PLCG2: variants seen among roughly 807,000 people sequenced by gnomAD.
The protein encoded by PLCG2 is phospholipase C gamma 2.
In PLCG2, 69 loss-of-function variants were observed where a neutral mutation model predicts 175.6. The observed-to-expected ratio is 0.39, with a 90% CI of 0.32 to 0.48. PLCG2 has a LOEUF of 0.48. Ranked by LOEUF, PLCG2 falls within the 20% of genes least tolerant of loss-of-function variation. The probability of loss-of-function intolerance (pLI) is 0.91; values close to 1 mark genes in which losing one functional copy is unlikely to be tolerated. For synonymous variants in PLCG2, 827 were observed against 624.0 expected (o/e 1.33, Z -4.85); for missense variants, 1,798 against 1,650.9 (o/e 1.09, Z -1.54).
At chr16:81,816,559 G>T (rs1904556884) in intron 2 of PLCG2, among the ~76,000 whole-genome samples, 1 of 147,630 alleles carries the variant, frequency 6.8e-6, no homozygotes, top group African/African-American at 2.5e-5. Context: ...CTCAACTACT[G>T]CCTTGACCTC....
At chr16:81,830,837 G>T (rs1210220477) in intron 2 of PLCG2, among the ~76,000 whole-genome samples, 1 of 151,940 alleles carries the variant, frequency 6.6e-6, no homozygotes, top group Non-Finnish European at 1.5e-5. Context: ...CGGGCTTCTG[G>T]ATGACTGAGG....
chr16:81,948,452 G>A (rs1028023481), intron 31 of PLCG2, among the ~76,000 whole-genome samples: 1 of 152,216 alleles, frequency 6.6e-6, no homozygotes, highest in African/African-American at 2.4e-5. Flanking sequence ...GGTGGACTGG[G>A]TTCTGTTTTG....
intron 2 of PLCG2, among the ~76,000 whole-genome samples, chr16:81,808,838 G>C (rs1000750341): frequency 3.3e-5 from 5 of 152,116 alleles, no homozygotes; most frequent in African/African-American, 1.2e-4. Flanking sequence ...TGTGGGCCTG[G>C]CCTCTGTTTC....
intron 1 of PLCG2, among the ~76,000 whole-genome samples, chr16:81,742,063 T>G (rs1909606275): frequency 6.8e-6 from 1 of 147,482 alleles, no homozygotes; most frequent in Admixed American, 6.9e-5. Context: ...CCTCCAGTAT[T>G]CAAAATTCTA....
In PLCG2 at chr16:81,904,292, T is replaced by A. The variant is rs144356140; in HGVS notation, c.1363-1111T>A. ...ACGAGACAGATTACTGAGACTCTGA[T>A]GATGACTCAGCCAAGGTCACATGGC... On this transcript the variant is annotated intron_variant, in intron 14 of 32. Transcript: ENST00000564138. Among the ~76,000 whole-genome samples, 10 of 152,324 alleles carry A rather than the reference T, an allele frequency of 6.6e-5. No homozygotes were observed. In the East Asian group the frequency reaches 1.9e-3, roughly 29 times the overall value.
intron 17 of PLCG2, among the ~76,000 whole-genome samples, chr16:81,909,215 A>G (rs569247409): frequency 1.1e-4 from 17 of 152,302 alleles, no homozygotes; most frequent in African/African-American, 3.4e-4. Context: ...CAGTCACTCA[A>G]ATGATTTGCA....
intron 7 of PLCG2, among the ~76,000 whole-genome samples, chr16:81,873,818 C>G (rs1038502133): frequency 1.3e-5 from 2 of 152,152 alleles, no homozygotes; most frequent in South Asian, 2.1e-4. Context: ...AAAGCTGTTT[C>G]ACCTGCTACC....
chr16:81,941,024 G>A (rs1213403733), intron 30 of PLCG2, among the ~76,000 whole-genome samples: 2 of 152,174 alleles, frequency 1.3e-5, no homozygotes, highest in Admixed American at 6.5e-5. Flanking sequence ...TTTTTCAAGA[G>A]AAAGATGACT....
At chr16:81,910,793 G>GC in intron 18 of PLCG2, 73 bp downstream of exon 18, 10 of 1,437,032 alleles carry the variant, frequency 7.0e-6, no homozygotes, top group Non-Finnish European at 8.7e-6. Context: ...AGCTGGCCTG[G>GC]TGGTTCAGCC....
chr16:81,891,357 G>T (rs1257342705), intron 10 of PLCG2, 115 bp from the exon 11 acceptor site: 5 of 713,946 alleles, frequency 7.0e-6, no homozygotes, highest in Non-Finnish European at 1.0e-5. Flanking sequence ...GAGACCGCCT[G>T]TTGATTTCCC....
At chr16:81,860,173 T>TTATTATTATTATTATTA (rs56260145) in intron 5 of PLCG2, among the ~76,000 whole-genome samples, 2 of 81,516 alleles carry the variant, frequency 2.5e-5, no homozygotes, top group African/African-American at 4.7e-5. Flanking sequence ...ATTATTATTA[T>TTATTATTATTATTATTA]TTTTTTTTTT....
chr16:81,916,479 TAA>T (rs1343196076), intron 19 of PLCG2, among the ~76,000 whole-genome samples: 18 of 152,096 alleles, frequency 1.2e-4, no homozygotes, highest in Non-Finnish European at 2.1e-4. Context: ...AATTGACAAA[TAA>T]AAGTTGTTTA....
At chr16:81,781,005 T>C (rs1176370929) in intron 1 of PLCG2, among the ~76,000 whole-genome samples, 1 of 151,290 alleles carries the variant, frequency 6.6e-6, no homozygotes, top group African/African-American at 2.4e-5. Flanking sequence ...CCAGCCTGGG[T>C]GACAAGAGAG....
Position 81,811,802 on chromosome 16 carries a change from C to G in PLCG2, c.193+25620C>G, listed in dbSNP as rs1442750656. On this transcript the variant is annotated intron_variant, in intron 2 of 32. Transcript: ENST00000564138. ...CATTTGGATTGGTTCCATGTCTTTG[C>G]TCTTGTGAATAGTGCCGCAATAAAC... Among the ~76,000 whole-genome samples, 4 of 152,134 alleles carry G rather than the reference C, an allele frequency of 2.6e-5. No individual in the cohort carries two copies. The East Asian group carries it at 7.7e-4, about 29-fold the overall frequency.
intron 2 of PLCG2, among the ~76,000 whole-genome samples, chr16:81,848,167 T>C (rs1906221331): frequency 1.3e-5 from 2 of 152,158 alleles, no homozygotes; most frequent in African/African-American, 4.8e-5. Context: ...AGCGCAGAAA[T>C]AGACCCACAC....
At chr16:81,895,431 G>A (rs905304796) in intron 12 of PLCG2, among the ~76,000 whole-genome samples, 7 of 152,112 alleles carry the variant, frequency 4.6e-5, no homozygotes, top group African/African-American at 9.7e-5. Context: ...GTGATGGTAC[G>A]CGCCTGTAGT....
chr16:81,893,496 G>A (rs751294191), intron 11 of PLCG2, among the ~76,000 whole-genome samples: 1 of 152,202 alleles, frequency 6.6e-6, no homozygotes, highest in African/African-American at 2.4e-5. Context: ...CACTTCCTGC[G>A]ATTGTGGCCT....
At chr16:81,953,038 G>C (rs934489785) in intron 31 of PLCG2, among the ~76,000 whole-genome samples, 5 of 152,176 alleles carry the variant, frequency 3.3e-5, no homozygotes, top group African/African-American at 4.8e-5. Flanking sequence ...TTGCTTCTGT[G>C]ACATTCTTGC....
chr16:81,792,958 T>G (rs1911305822), intron 2 of PLCG2, among the ~76,000 whole-genome samples: 1 of 152,240 alleles, frequency 6.6e-6, no homozygotes, highest in Admixed American at 6.5e-5. Context: ...GAGATAATAG[T>G]AGTTTCTATC....
Sources: allele counts gnomAD v4.1 joint callset (sites outside exome capture counted in the v4.1 genomes callset), GRCh38; gene constraint gnomAD v4.1.1; transcripts MANE v1.5; gene names NCBI Gene and HGNC (gene_info 2026-07-23, HGNC 2026-07-21).